The following OCA2 variants were observed in gnomAD, a reference collection of about 807,000 sequenced individuals.
OCA2 encodes OCA2 melanosomal transmembrane protein.
Under a neutral mutation model 100.2 loss-of-function variants are expected in OCA2, and 77 were observed. The observed-to-expected ratio is 0.77, with a 90% confidence interval of 0.64 to 0.93. OCA2 has a LOEUF of 0.93. Among genes scored for constraint, OCA2 ranks in the 40% least tolerant of loss-of-function variants. The pLI, the probability that OCA2 is intolerant of heterozygous loss-of-function variation, is 0.00. For synonymous variants in OCA2, 432 were observed against 439.2 expected (o/e 0.98, Z 0.21); for missense variants, 1,062 against 1,089.1 (o/e 0.98, Z 0.35).
Position 28,043,470 on chromosome 15 carries a change from C to T in OCA2, c.228-11307G>A, listed in dbSNP as rs1264002719. The stretch of plus-strand genomic sequence containing the variant: ...AGATTGGTGCCCATTTTTTCTGGGG[C>T]TTACACACAGGTAGTAAAACAGAAC... On this transcript the variant is annotated intron_variant, in intron 2 of 23. Transcript: ENST00000354638. This position sits in a 1 kb window ranked among gnomAD's most constrained non-coding sequence, Gnocchi z 4.4. Among the ~76,000 whole-genome samples, 1 of 152,260 alleles carries T rather than the reference C, an allele frequency of 6.6e-6. No individual in the cohort carries two copies. Among genetic ancestry groups the T allele is most frequent in the East Asian group, 1.9e-4 (1 of 5,182 alleles).
At chr15:28,003,805 G>A (rs112265273) in intron 9 of OCA2, among the ~76,000 whole-genome samples, 290 of 152,280 alleles carry the variant, frequency 1.9e-3, no homozygotes, top group African/African-American at 6.7e-3. Context: ...TCGCGTCCTC[G>A]ATCTGGGTGC....
intron 23 of OCA2, among the ~76,000 whole-genome samples, chr15:27,795,062 G>T (rs1006170087): frequency 6.6e-6 from 1 of 152,148 alleles, no homozygotes; most frequent in Non-Finnish European, 1.5e-5. Flanking sequence ...TAATCACCGA[G>T]TGGCTTACGT....
At chr15:28,033,939 A>G (rs974691672) in intron 2 of OCA2, among the ~76,000 whole-genome samples, 2 of 152,002 alleles carry the variant, frequency 1.3e-5, no homozygotes, top group African/African-American at 2.4e-5. Flanking sequence ...TGTTACGGAG[A>G]CGGTGACCTC....
At chr15:27,951,963 G>A (rs367703573) in intron 17 of OCA2, 71 bp from the exon 18 acceptor site, 40 of 1,038,968 alleles carry the variant, frequency 3.8e-5, no homozygotes, top group South Asian at 3.0e-4. Flanking sequence ...CATAACCTAC[G>A]CAACTGGAAT....
chr15:27,813,211 C>T (rs575272402), intron 23 of OCA2, among the ~76,000 whole-genome samples: 2 of 152,238 alleles, frequency 1.3e-5, no homozygotes, highest in African/African-American at 2.4e-5. Context: ...CCTGGACCAC[C>T]GTCACCCAGC....
chr15:27,731,885 T>C, the OCA2 span, among the ~76,000 whole-genome samples: 3 of 152,246 alleles, frequency 2.0e-5, no homozygotes, highest in Non-Finnish European at 2.9e-5. Flanking sequence ...TTCATTCATA[T>C]ATTTAAGCCA....
At chr15:27,972,942 T>C (rs1202313522) in intron 14 of OCA2, among the ~76,000 whole-genome samples, 2 of 151,846 alleles carry the variant, frequency 1.3e-5, no homozygotes, top group Non-Finnish European at 2.9e-5. Flanking sequence ...CTCGGCTCAC[T>C]GCAACCTCTG....
intron 2 of OCA2, among the ~76,000 whole-genome samples, chr15:28,071,236 G>A (rs1490559253): frequency 6.6e-6 from 1 of 150,496 alleles, no homozygotes; most frequent in East Asian, 1.9e-4. Context: ...ATTTCTATAA[G>A]CACTACAAAA....
chr15:28,055,489 C>T (rs1373627758), intron 2 of OCA2, among the ~76,000 whole-genome samples: 1 of 152,158 alleles, frequency 6.6e-6, no homozygotes, highest in Non-Finnish European at 1.5e-5. Context: ...GCAGAGTTGG[C>T]CTTTCACGTA....
chr15:27,970,638 G>A (rs1328436683), intron 14 of OCA2, among the ~76,000 whole-genome samples: 2 of 151,682 alleles, frequency 1.3e-5, no homozygotes, highest in Admixed American at 6.6e-5. Context: ...CAGCACACAC[G>A]GCATGGTGGG....
intron 2 of OCA2, among the ~76,000 whole-genome samples, chr15:28,042,886 T>C (rs924122938): frequency 6.6e-6 from 1 of 152,160 alleles, no homozygotes; most frequent in African/African-American, 2.4e-5. Context: ...TATTCGTTTA[T>C]ACTCCACCAA....
At chr15:27,985,659 C>T (rs947667512) in intron 12 of OCA2, among the ~76,000 whole-genome samples, 5 of 151,756 alleles carry the variant, frequency 3.3e-5, no homozygotes, top group African/African-American at 1.2e-4. Context: ...CAGCACAGTT[C>T]CATCATTCAG....
intron 2 of OCA2, among the ~76,000 whole-genome samples, chr15:28,059,700 T>C (rs1056084165): frequency 2.7e-5 from 4 of 150,350 alleles, no homozygotes; most frequent in African/African-American, 9.9e-5. Flanking sequence ...AGATTTTCCA[T>C]TTTATTGACC....
intron 23 of OCA2, among the ~76,000 whole-genome samples, chr15:27,801,584 A>T (rs1405994942): frequency 6.7e-6 from 1 of 150,278 alleles, no homozygotes; most frequent in African/African-American, 2.5e-5. Flanking sequence ...AAAGAAGGAT[A>T]ACAATACATC....
rs2040577623 is a variant in OCA2 at position 27,966,673 on chromosome 15, G to A, written c.1636+17C>T. 1.2e-6 allele frequency: 2 copies of A among 1,613,434 alleles called. No homozygotes were observed. ...GTCATGAAATCTGAGCCTACATGAG[G>A]TTGCACTTGTACTCACCAACAATCT... On this transcript the variant is annotated intron_variant, in intron 15 of 23. Transcript: ENST00000354638.
At chr15:27,841,540 G>T (rs1361202649) in intron 23 of OCA2, among the ~76,000 whole-genome samples, 1 of 152,108 alleles carries the variant, frequency 6.6e-6, no homozygotes, top group Non-Finnish European at 1.5e-5. Context: ...AAAAATTAAT[G>T]AAAGCAAAAA....
intron 23 of OCA2, among the ~76,000 whole-genome samples, chr15:27,755,677 TTTTA>T (rs766177129): frequency 3.3e-5 from 5 of 152,378 alleles, no homozygotes; most frequent in Non-Finnish European, 7.3e-5. Context: ...TTGTGTGCAA[TTTTA>T]TTTGAGAACT....
At chr15:27,918,889 A>G (rs1016253462) in intron 19 of OCA2, among the ~76,000 whole-genome samples, 2 of 152,180 alleles carry the variant, frequency 1.3e-5, no homozygotes, top group Non-Finnish European at 1.5e-5. Context: ...AGACTTTCCC[A>G]GTGTCAAGGT....
At chr15:27,866,412 A>T (rs1214441475) in intron 21 of OCA2, among the ~76,000 whole-genome samples, 1 of 152,208 alleles carries the variant, frequency 6.6e-6, no homozygotes, top group Non-Finnish European at 1.5e-5. Flanking sequence ...TGCAGCAAGC[A>T]TGGGGTGTCC....
Sources: allele counts gnomAD v4.1 joint callset (sites outside exome capture counted in the v4.1 genomes callset), GRCh38; gene constraint gnomAD v4.1.1; non-coding constraint Gnocchi (gnomAD v3.1); transcripts MANE v1.5; gene names NCBI Gene and HGNC (gene_info 2026-07-23, HGNC 2026-07-21).